The following VPS26B variants were observed in gnomAD, a reference collection of about 807,000 sequenced individuals.
VPS26B encodes VPS26 retromer complex component B, also known as vacuolar protein sorting-associated protein 26B.
A neutral mutation model predicts 33.3 loss-of-function variants in VPS26B; 10 were observed. That is an observed-to-expected ratio of 0.30 (90% CI 0.19 to 0.51). The LOEUF (loss-of-function observed/expected upper bound fraction) is 0.51. VPS26B is among the 20% of genes least tolerant of loss of function. The pLI is 0.98. For missense variants in VPS26B, 317 were observed against 452.7 expected, an observed-to-expected ratio of 0.70 and a Z score of 2.72; for synonymous variants, 190 against 176.9, an observed-to-expected ratio of 1.07 and a Z score of -0.59.
At chr11:134,239,576 ACTC>A (rs1938686502) in intron 2 of VPS26B, 1 of 187,506 alleles carries the variant, frequency 5.3e-6, no homozygotes, top group South Asian at 1.1e-4. Context: ...TACGAGACGG[ACTC>A]CTTTGCCCCA....
chr11:134,232,621 C>T (rs943951034), intron 1 of VPS26B, among the ~76,000 whole-genome samples: 1 of 152,216 alleles, frequency 6.6e-6, no homozygotes, highest in African/African-American at 2.4e-5. Flanking sequence ...ATGCTGGCAG[C>T]CTGAGCGCTC....
At chr11:134,229,863 A>G (rs1776180491) in intron 1 of VPS26B, among the ~76,000 whole-genome samples, 1 of 151,982 alleles carries the variant, frequency 6.6e-6, no homozygotes, top group South Asian at 2.1e-4. Context: ...AGTATATCCA[A>G]ATCCCTCCTG....
intron 1 of VPS26B, among the ~76,000 whole-genome samples, chr11:134,231,070 A>G (rs988198940): frequency 6.6e-6 from 1 of 152,194 alleles, no homozygotes; most frequent in African/African-American, 2.4e-5. Context: ...TTGAGCTGGA[A>G]TCCTTTGGGG....
intron 3 of VPS26B, among the ~76,000 whole-genome samples, chr11:134,241,653 A>G (rs10894788): frequency 0.26 from 40,011 of 152,236 alleles, 5,627 homozygotes; most frequent in South Asian, 0.37. Flanking sequence ...TAGGAGCTCA[A>G]AGCAGCCACT....
rs1226287784 is a variant in VPS26B, at chr11:134,247,697, A to G, written c.*2107A>G. The G allele has an allele frequency of 6.5e-6, 1 of 154,110 alleles. No individual in the cohort carries two copies. The highest frequency in any genetic ancestry group is 1.4e-5 in the Non-Finnish European group (1 of 69,096). 9.5% of individuals were successfully genotyped at this position (154,110 alleles called of 1,614,324 possible). A position where few individuals can be genotyped will look rare whatever the true frequency, so the allele number is the denominator to read the frequency against. ...ATGTTTCTTAATGTGTCATCTTTTCAATGGCTGTATTAAAAGAAGAACGTT... is the reference window on the plus strand; with the variant it reads ...ATGTTTCTTAATGTGTCATCTTTTCGATGGCTGTATTAAAAGAAGAACGTT... On this transcript the variant is annotated 3_prime_UTR_variant, in exon 6 of 6. Transcript: ENST00000281187.
intron 1 of VPS26B, among the ~76,000 whole-genome samples, chr11:134,232,205 GA>G (rs1938564994): frequency 1.3e-5 from 2 of 151,856 alleles, no homozygotes; most frequent in Non-Finnish European, 2.9e-5. Flanking sequence ...AAGAATGAAA[GA>G]TGACGCGTGG....
chr11:134,242,047 C>T (rs921384452), intron 3 of VPS26B, among the ~76,000 whole-genome samples: 2 of 152,188 alleles, frequency 1.3e-5, no homozygotes, highest in African/African-American at 4.8e-5. Context: ...TAACTCTCCC[C>T]GCTTACACCT....
In VPS26B at chr11:134,244,246, CTTATATTTAGCTT is replaced by C. The variant is rs948528244; in HGVS notation, c.722-690_722-678del. On this transcript the variant is annotated intron_variant, in intron 4 of 5. Transcript: ENST00000281187. This position sits in a 1 kb window ranked among gnomAD's most constrained non-coding sequence, Gnocchi z 4.0. ...AAAAGAGCAGATAATGATAAGATGGCTTATATTTAGCTTTAGACCACATTATAGGTTTGGCCTT... is the reference window on the plus strand; with the variant it reads ...AAAAGAGCAGATAATGATAAGATGGCTAGACCACATTATAGGTTTGGCCTT... The C allele has an allele frequency of 1.3e-5, 2 of 152,182 alleles. No homozygotes were observed. The highest frequency in any genetic ancestry group is 4.8e-5 in the African/African-American group (2 of 41,442). The allele number at this position is 152,182 out of a possible 1,614,324, so 9.4% of individuals were successfully genotyped here.
In VPS26B at chr11:134,245,910, A is replaced by C. The variant is rs577037305; in HGVS notation, c.*320A>C. On this transcript the variant is annotated 3_prime_UTR_variant, in exon 6 of 6. Transcript: ENST00000281187. The surrounding 1 kb of genome is among the most constrained non-coding windows in gnomAD (Gnocchi z 4.7). ...AGAGGAGGGAGAGCAGAGAGCACGC[A>C]TCCTTGGCTCCTGGCTCTCTGAGCT... 13 of 301,868 alleles carry C rather than the reference A, an allele frequency of 4.3e-5. No individual in the cohort carries two copies. The highest frequency in any genetic ancestry group is 7.6e-5 in the Non-Finnish European group (12 of 157,508). The allele number at this position is 301,868 out of a possible 1,614,324, so 18.7% of individuals were successfully genotyped here. A position where few individuals can be genotyped will look rare whatever the true frequency, so the allele number is the denominator to read the frequency against.
chr11:134,247,647 G>A lies in VPS26B; in HGVS notation c.*2057G>A, dbSNP rs146277677. On this transcript the variant is annotated 3_prime_UTR_variant, in exon 6 of 6. Transcript: ENST00000281187. The stretch of plus-strand genomic sequence containing the variant: ...GGTACTAAATCAAGCAGTGCAACTT[G>A]TAATTAAGCAGCTGCAGTGTTTACA... The A allele has an allele frequency of 1.8e-4, 28 of 153,274 alleles. No homozygotes were observed. Among genetic ancestry groups the A allele is most frequent in the African/African-American group, 6.5e-4 (27 of 41,578 alleles). 9.5% of individuals were successfully genotyped at this position (153,274 alleles called of 1,614,324 possible).
Position 134,243,261 on chromosome 11 carries a change from A to C in VPS26B, c.688A>C (p.Lys230Gln), listed in dbSNP as rs1249386226. Residue 230 changes from lysine to glutamine, a missense_variant, in exon 4 of 6, where the codon AAG becomes CAG. Coordinates refer to ENST00000281187, the MANE Select transcript of VPS26B (RefSeq NM_052875.5). ...GTACCATGAGAATGACACGATAGCC[A>C]AGTACGAGATCATGGACGGGGCACC... Reference protein sequence around the residue: ...NVYHENDTIAKYEIMDGAPVR... With the variant: ...NVYHENDTIAQYEIMDGAPVR... 3.7e-6 allele frequency: 6 copies of C among 1,614,138 alleles called. No homozygotes were observed. Among genetic ancestry groups the C allele is most frequent in the Non-Finnish European group, 4.2e-6 (5 of 1,179,982 alleles).
intron 2 of VPS26B, among the ~76,000 whole-genome samples, chr11:134,238,578 GTATT>G (rs1449598541): frequency 6.6e-6 from 1 of 152,100 alleles, no homozygotes; most frequent in African/African-American, 2.4e-5. Context: ...ATATCTTTAT[GTATT>G]TATTTATTTA....
At chr11:134,227,321 T>C (rs1938494497) in intron 1 of VPS26B, among the ~76,000 whole-genome samples, 1 of 152,252 alleles carries the variant, frequency 6.6e-6, no homozygotes, top group Non-Finnish European at 1.5e-5. Flanking sequence ...TTTAAAGTTA[T>C]TGCATTGATT....
intron 1 of VPS26B, among the ~76,000 whole-genome samples, chr11:134,232,905 A>G (rs1938576184): frequency 6.6e-6 from 1 of 152,190 alleles, no homozygotes; most frequent in Non-Finnish European, 1.5e-5. Flanking sequence ...GAGTAAGCCG[A>G]GGAGTCCCTG....
At chr11:134,242,232 T>G (rs763295660) in intron 3 of VPS26B, among the ~76,000 whole-genome samples, 1 of 152,214 alleles carries the variant, frequency 6.6e-6, no homozygotes, top group Non-Finnish European at 1.5e-5. Flanking sequence ...GCAGTCTTCC[T>G]GTAGCCTGTG....
rs759685232 is a variant in VPS26B, at chr11:134,245,482, G to A, written c.903G>A (p.Lys301=). Residue 301 remains lysine, a synonymous_variant, in exon 6 of 6, where the codon AAG becomes AAA. Transcript: ENST00000281187. The surrounding 1 kb of genome is among the most constrained non-coding windows in gnomAD (Gnocchi z 4.7). Reference sequence around the variant, plus strand: ...GGCGGAAGGGTGACATCGTACGGAAGAGCATGTCCCACCAGGCGGCCATCG... The same window carrying A: ...GGCGGAAGGGTGACATCGTACGGAAAAGCATGTCCCACCAGGCGGCCATCG... ...VLWRKGDIVR[K]SMSHQAAIAS... is the part of the protein sequence containing the mutation. The A allele has an allele frequency of 5.0e-6, 8 of 1,614,010 alleles. No individual in the cohort carries two copies. The highest frequency in any genetic ancestry group is 4.4e-5 in the South Asian group (4 of 91,076).
chr11:134,231,144 A>G (rs2846389), intron 1 of VPS26B, among the ~76,000 whole-genome samples: 2 of 152,208 alleles, frequency 1.3e-5, no homozygotes, highest in Non-Finnish European at 2.9e-5. Flanking sequence ...TAAATAAACC[A>G]AACGTAATTA....
At chr11:134,243,696 C>T (rs534461395) in intron 4 of VPS26B, 1 of 167,842 alleles carries the variant, frequency 6.0e-6, no homozygotes, top group African/African-American at 2.4e-5. Context: ...TGTGACTTGG[C>T]TCTAGCTCCG....
chr11:134,243,439 G>A, intron 4 of VPS26B, 145 bp downstream of exon 4: 2 of 1,010,544 alleles, frequency 2.0e-6, no homozygotes, highest in South Asian at 1.7e-5. Context: ...TACACCGTGG[G>A]TGGCCATAAG....
Sources: allele counts gnomAD v4.1 joint callset (sites outside exome capture counted in the v4.1 genomes callset), GRCh38; gene constraint gnomAD v4.1.1; non-coding constraint Gnocchi (gnomAD v3.1); transcripts MANE v1.5; gene names NCBI Gene and HGNC (gene_info 2026-07-23, HGNC 2026-07-21).